CYSLTR2: variants seen among roughly 807,000 people sequenced by gnomAD.
CYSLTR2 encodes the protein cysteinyl leukotriene receptor 2, also known as G-protein coupled receptor GPCR21.
For missense variants in CYSLTR2, 398 were observed against 411.9 expected (o/e 0.97, Z 0.29); for synonymous variants, 179 against 160.8 (o/e 1.11, Z -0.86).
chr13:48,707,591 G>T lies in CYSLTR2; in HGVS notation c.774G>T (p.Leu258Phe). Residue 258 changes from leucine to phenylalanine, a missense_variant, in exon 5 of 5, where the codon TTG (leucine) becomes TTT (phenylalanine). Physicochemically the swap from Leu to Phe is conservative, Grantham distance 22 (BLOSUM62 0). Transcript: ENST00000682523. The part of the protein sequence containing the change: ...TIIITLIIFF[L>F]CFLPYHTLRT... ...TCATCACCTTGATCATCTTCTTCTT[G>T]TGTTTCCTGCCCTATCACACACTGA... is the stretch of plus-strand genomic sequence containing the variant. 6.2e-7 allele frequency: 1 copy of T among 1,610,430 alleles called. No individual in the cohort carries two copies. Among genetic ancestry groups the T allele is most frequent in the East Asian group, 2.2e-5 (1 of 44,882 alleles).
At chr13:48,664,778 C>T (rs1413369323) in intron 1 of CYSLTR2, among the ~76,000 whole-genome samples, 3 of 151,616 alleles carry the variant, frequency 2.0e-5, no homozygotes, top group Non-Finnish European at 4.4e-5. Context: ...AAAAAACCAG[C>T]TGTTCACCTT....
chr13:48,674,841 T>C (rs896307632), intron 1 of CYSLTR2, among the ~76,000 whole-genome samples: 1 of 152,250 alleles, frequency 6.6e-6, no homozygotes, highest in Non-Finnish European at 1.5e-5. Context: ...TTGATGTTAT[T>C]ACTTTCTGTT....
chr13:48,695,068 A>ATGTTTT (rs1954136661), intron 3 of CYSLTR2, among the ~76,000 whole-genome samples: 1 of 71,606 alleles, frequency 1.4e-5, no homozygotes, highest in Non-Finnish European at 2.5e-5. Flanking sequence ...AGAACCTGGC[A>ATGTTTT]TTTTTTTTTT....
intron 3 of CYSLTR2, among the ~76,000 whole-genome samples, chr13:48,695,067 C>CTTTTTTTTTTT (rs1278951741): frequency 3.6e-5 from 3 of 83,686 alleles, no homozygotes; most frequent in Non-Finnish European, 5.2e-5. Flanking sequence ...CAGAACCTGG[C>CTTTTTTTTTTT]ATTTTTTTTT....
intron 1 of CYSLTR2, among the ~76,000 whole-genome samples, chr13:48,655,692 T>C (rs145676488): frequency 6.6e-6 from 1 of 152,354 alleles, no homozygotes; most frequent in African/African-American, 2.4e-5. Context: ...TTACAAAACA[T>C]GTTTACAGGC....
chr13:48,700,431 T>C (rs1280822085), intron 4 of CYSLTR2, among the ~76,000 whole-genome samples: 1 of 152,178 alleles, frequency 6.6e-6, no homozygotes, highest in African/African-American at 2.4e-5. Context: ...CATGATTATC[T>C]CCATAGATGC....
At chr13:48,695,520 C>T (rs915992139) in intron 3 of CYSLTR2, among the ~76,000 whole-genome samples, 1 of 151,598 alleles carries the variant, frequency 6.6e-6, no homozygotes, top group South Asian at 2.1e-4. Context: ...TGATGTAGAA[C>T]ATTTTTGTCA....
chr13:48,683,450 G>C (rs905063819), intron 1 of CYSLTR2, among the ~76,000 whole-genome samples: 1 of 152,008 alleles, frequency 6.6e-6, no homozygotes, highest in African/African-American at 2.4e-5. Context: ...TATCTCATTT[G>C]TGTTTTTGAT....
rs199930465 is a variant in CYSLTR2 at position 48,707,251 on chromosome 13, G to C, written c.434G>C (p.Arg145Pro). 6 of 1,613,824 alleles carry C rather than the reference G, an allele frequency of 3.7e-6. No homozygotes were observed. The highest frequency in any genetic ancestry group is 1.3e-5 in the African/African-American group (1 of 74,868). The stretch of plus-strand genomic sequence containing the variant: ...TTCCTGGCAATGGTTCACCCCTTTC[G>C]GCTTCTGCATGTCACCAGCATCAGG... ...VRFLAMVHPF[R>P]LLHVTSIRSA... Residue 145 changes from arginine to proline, a missense_variant, in exon 5 of 5, where the codon CGG (arginine) becomes CCG (proline). Physicochemically the swap from Arg to Pro is moderately radical, Grantham distance 103. Coordinates refer to ENST00000682523, the MANE Select transcript of CYSLTR2 (RefSeq NM_001308476.3).
At chr13:48,670,329 G>A (rs941299353) in intron 1 of CYSLTR2, among the ~76,000 whole-genome samples, 5 of 152,134 alleles carry the variant, frequency 3.3e-5, no homozygotes, top group African/African-American at 1.2e-4. Flanking sequence ...TGCTTTTGGT[G>A]TTTTAGTCAT....
At chr13:48,706,226 C>T (rs1236314607) in intron 4 of CYSLTR2, among the ~76,000 whole-genome samples, 1 of 152,100 alleles carries the variant, frequency 6.6e-6, no homozygotes, top group African/African-American at 2.4e-5. Flanking sequence ...GAACTCCTGA[C>T]CTCAGGTGAT....
intron 1 of CYSLTR2, among the ~76,000 whole-genome samples, chr13:48,664,059 A>G (rs1953197532): frequency 6.6e-6 from 1 of 151,924 alleles, no homozygotes; most frequent in Non-Finnish European, 1.5e-5. Flanking sequence ...TTATCAAAAG[A>G]TTTTTCTGCA....
intron 4 of CYSLTR2, among the ~76,000 whole-genome samples, chr13:48,702,755 A>G (rs1027101120): frequency 6.6e-6 from 1 of 152,168 alleles, no homozygotes; most frequent in Non-Finnish European, 1.5e-5. Context: ...CTTCTTTTTC[A>G]AAGTGTTTTT....
rs1203739087 is a variant in CYSLTR2, at chr13:48,709,592, C to T, written c.*1734C>T. On this transcript the variant is annotated 3_prime_UTR_variant, in exon 5 of 5. Transcript: ENST00000682523. The stretch of plus-strand genomic sequence containing the variant: ...TGCAACAAATCCCTTCCACTCACAG[C>T]ATTTGGTCAACCTGTCAGAGCCTCA... 1 of 152,246 alleles carries T rather than the reference C, an allele frequency of 6.6e-6. No individual in the cohort carries two copies. Among genetic ancestry groups the T allele is most frequent in the Admixed American group, 6.5e-5 (1 of 15,278 alleles). The allele number at this position is 152,246 out of a possible 1,614,324, so 9.4% of individuals were successfully genotyped here.
At chr13:48,695,238 C>T (rs1391964049) in intron 3 of CYSLTR2, among the ~76,000 whole-genome samples, 3 of 151,734 alleles carry the variant, frequency 2.0e-5, no homozygotes, top group Non-Finnish European at 1.5e-5. Flanking sequence ...CCACGCCCAG[C>T]TAATCTTTTT....
chr13:48,699,316 A>G (rs936724239), intron 4 of CYSLTR2, among the ~76,000 whole-genome samples: 2 of 152,206 alleles, frequency 1.3e-5, no homozygotes, highest in African/African-American at 4.8e-5. Flanking sequence ...AATTATAACA[A>G]ACTGTCTCTC....
intron 4 of CYSLTR2, among the ~76,000 whole-genome samples, chr13:48,701,894 A>C (rs1230163698): frequency 6.6e-6 from 1 of 152,216 alleles, no homozygotes; most frequent in Non-Finnish European, 1.5e-5. Flanking sequence ...CATTTGACCC[A>C]GCCATCCCAT....
At chr13:48,659,667 T>C (rs1953081989) in intron 1 of CYSLTR2, among the ~76,000 whole-genome samples, 1 of 152,146 alleles carries the variant, frequency 6.6e-6, no homozygotes, top group Non-Finnish European at 1.5e-5. Context: ...GATCAATCCG[T>C]AGGGATTTAT....
rs1421224717 is a variant in CYSLTR2, at chr13:48,706,823, G to A, written c.6G>A (p.Glu2=). The part of the protein sequence containing the change: M[E]RKFMSLQPSI... The stretch of plus-strand genomic sequence containing the variant: ...CTGTTTCTTTTTAACCCAGCATGGA[G>A]AGAAAATTTATGTCCTTGCAACCAT... Residue 2 remains glutamate, a synonymous_variant, in exon 5 of 5, where the codon GAG becomes GAA. Transcript: ENST00000682523. 1 of 1,606,938 alleles carries A rather than the reference G, an allele frequency of 6.2e-7. No individual in the cohort carries two copies. The highest frequency in any genetic ancestry group is 8.5e-7 in the Non-Finnish European group (1 of 1,176,046).
Sources: gnomAD v4.1 joint callset for allele counts (sites outside exome capture counted in the v4.1 genomes callset) on GRCh38, gnomAD v4.1.1 for gene constraint, MANE v1.5 for transcripts, NCBI Gene and HGNC (gene_info 2026-07-23, HGNC 2026-07-21) for gene names.